Variants in ZC3HC1 observed in about 807,000 individuals in gnomAD.
ZC3HC1 encodes the protein zinc finger C3HC-type containing 1.
ZC3HC1 carries 38 observed loss-of-function variants against 61.9 expected under a neutral mutation model. The ratio of observed to expected loss-of-function variants is 0.61; its 90% CI spans 0.47 to 0.81. The LOEUF is 0.81. Ranked by LOEUF, ZC3HC1 falls within the 30% of genes least tolerant of loss-of-function variation. ZC3HC1 has a pLI of 0.00. For missense variants in ZC3HC1, 554 were observed against 622.7 expected (o/e 0.89, Z 1.17); for synonymous variants, 213 against 229.9 (o/e 0.93, Z 0.67).
intron 3 of ZC3HC1, 93 bp from the exon 4 acceptor site, chr7:130,039,640 T>TA: frequency 1.2e-6 from 1 of 839,182 alleles, no homozygotes; most frequent in South Asian, 2.1e-5. Context: ...TAACTAAAAA[T>TA]AAGAGAATTT....
At chr7:130,018,777 G>T in intron 9 of ZC3HC1, 45 bp from the exon 10 acceptor site, 1 of 1,523,582 alleles carries the variant, frequency 6.6e-7, no homozygotes, top group Non-Finnish European at 9.1e-7. Context: ...TTCTTTTATA[G>T]AGACAAAGGA....
At chr7:130,044,259 AT>A (rs1332007435) in intron 2 of ZC3HC1, among the ~76,000 whole-genome samples, 1 of 152,124 alleles carries the variant, frequency 6.6e-6, no homozygotes, top group Non-Finnish European at 1.5e-5. Flanking sequence ...GGCTCAGGCA[AT>A]TCTCCCACCT....
At chr7:130,033,445 C>CTTTT (rs3043729) in intron 4 of ZC3HC1, among the ~76,000 whole-genome samples, 193 of 82,830 alleles carry the variant, frequency 2.3e-3, no homozygotes, top group African/African-American at 7.4e-3. Flanking sequence ...CTATAGCATT[C>CTTTT]TTTTTTTTTT....
At chr7:130,029,540 T>A (rs1450493083) in intron 4 of ZC3HC1, among the ~76,000 whole-genome samples, 4 of 152,182 alleles carry the variant, frequency 2.6e-5, no homozygotes, top group Non-Finnish European at 5.9e-5. Context: ...GAATCCATAT[T>A]TTTTATATTT....
chr7:130,022,629 C>T, intron 8 of ZC3HC1, 104 bp from the exon 9 acceptor site: 1 of 1,208,596 alleles, frequency 8.3e-7, no homozygotes, highest in Non-Finnish European at 1.2e-6. Flanking sequence ...ACTACCCATA[C>T]TTCGAGTGTT....
chr7:130,033,044 C>T (rs565995714), intron 4 of ZC3HC1, among the ~76,000 whole-genome samples: 5 of 152,104 alleles, frequency 3.3e-5, no homozygotes, highest in Admixed American at 2.0e-4. Context: ...AAGGTCAGTC[C>T]GGGCAATAGA....
intron 4 of ZC3HC1, among the ~76,000 whole-genome samples, chr7:130,029,584 T>C (rs1794085908): frequency 6.6e-6 from 1 of 152,128 alleles, no homozygotes. Context: ...TATGTGGGAC[T>C]GAACTTCAAA....
rs749344655 is a variant in ZC3HC1, at chr7:130,026,203, A to G, written c.731T>C (p.Val244Ala). The change falls in exon 6 of 10, where the codon GTC becomes GCC. Residue 244 changes from valine (V) to alanine (A), a missense_variant. Val to Ala is a moderately conservative substitution (Grantham distance 64, BLOSUM62 0). Transcript: ENST00000358303. ...TTIKLGSDIQ[V>A]HVTACILSVC... ...AGAGAGAATACAGGCAGTGACGTGGACTTGGATGTCTGAGCCTAATTTGAT... is the reference window on the plus strand; with the variant it reads ...AGAGAGAATACAGGCAGTGACGTGGGCTTGGATGTCTGAGCCTAATTTGAT... 21 of 1,614,162 alleles carry G rather than the reference A, an allele frequency of 1.3e-5. No individual in the cohort carries two copies. Among genetic ancestry groups the G allele is most frequent in the Non-Finnish European group, 1.8e-5 (21 of 1,180,020 alleles).
intron 4 of ZC3HC1, among the ~76,000 whole-genome samples, chr7:130,033,815 T>C (rs79729143): frequency 0.011 from 1,651 of 152,278 alleles, 21 homozygotes; most frequent in Non-Finnish European, 0.015. Flanking sequence ...TGGATCCAAG[T>C]TGATTTATTG....
Position 130,039,483 on chromosome 7 carries a change from C to T in ZC3HC1, c.474G>A (p.Trp158Ter). Residue 158 changes from tryptophan to a stop codon, truncating the protein, a stop_gained, in exon 4 of 10, where the codon TGG (tryptophan) becomes TGA (stop). Transcript: ENST00000358303. LOFTEE classifies it high-confidence loss of function. ...AAGTACCTGGGGATGGGCTGTCTGGCCAGAAACAGAACTTCTCATGGGCAG... is the reference window on the plus strand; with the variant it reads ...AAGTACCTGGGGATGGGCTGTCTGGTCAGAAACAGAACTTCTCATGGGCAG... ...LCTAHEKFCF[W>*]PDSPSPDRFG... The T allele has an allele frequency of 6.2e-7, 1 of 1,612,212 alleles. No individual in the cohort carries two copies. Among genetic ancestry groups the T allele is most frequent in the Non-Finnish European group, 8.5e-7 (1 of 1,179,518 alleles).
At position 130,048,979 on chromosome 7, in the gene ZC3HC1, A is replaced by C. The variant is rs569723199; in HGVS notation, c.258+54T>G. 21 of 1,409,062 alleles carry C rather than the reference A, an allele frequency of 1.5e-5. No homozygotes were observed. The East Asian group carries it at 4.8e-4, about 32-fold the overall frequency. The allele number at this position is 1,409,062 out of a possible 1,614,324, so 87.3% of individuals were successfully genotyped here. A position where few individuals can be genotyped will look rare whatever the true frequency, so the allele number is the denominator to read the frequency against. On this transcript the variant is annotated intron_variant, in intron 2 of 9. Transcript: ENST00000358303. ...CACAGTAAGTGGTGTAATACCTTGG[A>C]GGAATTCTAGAAGCAGGCAGAAAGT...
Position 130,028,770 on chromosome 7 carries a change from A to T in ZC3HC1, c.621+132T>A, listed in dbSNP as rs1305777420. The T allele has an allele frequency of 2.4e-6, 3 of 1,246,990 alleles. No individual in the cohort carries two copies. In the East Asian group the frequency reaches 7.9e-5, roughly 33 times the overall value. 77.2% of individuals were successfully genotyped at this position (1,246,990 alleles called of 1,614,324 possible). A position where few individuals can be genotyped will look rare whatever the true frequency, so the allele number is the denominator to read the frequency against. On this transcript the variant is annotated intron_variant, in intron 5 of 9. Coordinates refer to ENST00000358303, the MANE Select transcript of ZC3HC1 (RefSeq NM_016478.5). ...CTGTCACCTTCCTGGTGGAGACTGA[A>T]AAGGTCAGATGAGAGACAGACAAGC... is the stretch of plus-strand genomic sequence containing the variant.
intron 2 of ZC3HC1, among the ~76,000 whole-genome samples, chr7:130,048,316 ATTTTG>A (rs1009366741): frequency 1.2e-4 from 18 of 151,944 alleles, no homozygotes; most frequent in African/African-American, 3.4e-4. Flanking sequence ...CACCTGGCTA[ATTTTG>A]TTTTGTTTTG....
intron 8 of ZC3HC1, 22 bp from the exon 9 acceptor site, chr7:130,022,547 T>G (rs202207007): frequency 6.2e-7 from 1 of 1,612,980 alleles, no homozygotes. Flanking sequence ...GAAAAAGAAA[T>G]AGCATTCATA....
rs528502621 is a variant in ZC3HC1, at chr7:130,026,561, A to G, written c.622-249T>C. ...CCCTGGAACTGCCAAAACTCTTGTT[A>G]GTACTAAATTGTTCAATTTACCAGC... On this transcript the variant is annotated intron_variant, in intron 5 of 9. Transcript: ENST00000358303. 3 of 350,364 alleles carry G rather than the reference A, an allele frequency of 8.6e-6. No homozygotes were observed. The Admixed American group carries it at 1.3e-4, about 15-fold the overall frequency. 21.7% of individuals were successfully genotyped at this position (350,364 alleles called of 1,614,324 possible).
At chr7:130,051,164 T>TGGG in intron 1 of ZC3HC1, 57 bp downstream of exon 1, 1 of 1,545,626 alleles carries the variant, frequency 6.5e-7, no homozygotes. Context: ...CGCCACCCCT[T>TGGG]CCCCAAGCCT....
At chr7:130,051,169 A>G in intron 1 of ZC3HC1, 52 bp downstream of exon 1, 1 of 1,556,286 alleles carries the variant, frequency 6.4e-7, no homozygotes, top group South Asian at 1.2e-5. Context: ...CCCCTTCCCC[A>G]AGCCTTCTTC....
chr7:130,021,926 G>C (rs1318189224), intron 9 of ZC3HC1, among the ~76,000 whole-genome samples: 1 of 152,158 alleles, frequency 6.6e-6, no homozygotes. Flanking sequence ...TGTAATCCCA[G>C]CACTTTGGGA....
Position 130,023,138 on chromosome 7 carries a change from T to C in ZC3HC1, c.1233+373A>G, listed in dbSNP as rs755349233. 24 of 218,806 alleles carry C rather than the reference T, an allele frequency of 1.1e-4. No individual in the cohort carries two copies. The highest frequency in any genetic ancestry group is 2.0e-4 in the Non-Finnish European group (22 of 109,090). 13.6% of individuals were successfully genotyped at this position (218,806 alleles called of 1,614,324 possible). A position where few individuals can be genotyped will look rare whatever the true frequency, so the allele number is the denominator to read the frequency against. ...TAATAGAAATAAAGTACACAATACA[T>C]GTAATGTGCTCGTATCATCCCGAAA... On this transcript the variant is annotated intron_variant, in intron 8 of 9. Transcript: ENST00000358303. The surrounding 1 kb of genome is among the most constrained non-coding windows in gnomAD (Gnocchi z 4.2).
Sources: allele counts gnomAD v4.1 joint callset (sites outside exome capture counted in the v4.1 genomes callset), GRCh38; gene constraint gnomAD v4.1.1; non-coding constraint Gnocchi (gnomAD v3.1); transcripts MANE v1.5; gene names NCBI Gene and HGNC (gene_info 2026-07-23, HGNC 2026-07-21).